The following FARS2 variants were observed in gnomAD, a reference collection of about 807,000 sequenced individuals.
The protein encoded by FARS2 is phenylalanine--tRNA ligase, mitochondrial.
In FARS2, 40 loss-of-function variants were observed where a neutral mutation model predicts 46.4. The ratio of observed to expected loss-of-function variants is 0.86; its 90% CI spans 0.67 to 1.12. FARS2 has a LOEUF of 1.12. Ranked by LOEUF, FARS2 falls within the 50% of genes most tolerant of loss-of-function variation. The pLI is 0.00. For missense variants in FARS2, 513 were observed against 567.9 expected (o/e 0.90, Z 0.98); for synonymous variants, 234 against 214.9 (o/e 1.09, Z -0.78).
At chr6:5,290,641 C>T (rs1162253936) in intron 1 of FARS2, among the ~76,000 whole-genome samples, 1 of 152,204 alleles carries the variant, frequency 6.6e-6, no homozygotes, top group African/African-American at 2.4e-5. Flanking sequence ...TTGATGAGCT[C>T]AACCTTAGTT....
At chr6:5,316,683 C>T (rs1440660680) in intron 1 of FARS2, among the ~76,000 whole-genome samples, 2 of 152,204 alleles carry the variant, frequency 1.3e-5, no homozygotes, top group Non-Finnish European at 2.9e-5. Flanking sequence ...CTGTGGGGCC[C>T]AGAGCCGCCA....
intron 6 of FARS2, among the ~76,000 whole-genome samples, chr6:5,662,056 A>G (rs1344929656): frequency 6.6e-6 from 1 of 152,008 alleles, no homozygotes; most frequent in Non-Finnish European, 1.5e-5. Context: ...AAGGAAAAAT[A>G]TTTTCTCTTG....
At chr6:5,278,959 C>T (rs1198607977) in intron 1 of FARS2, among the ~76,000 whole-genome samples, 4 of 152,234 alleles carry the variant, frequency 2.6e-5, no homozygotes, top group African/African-American at 9.6e-5. Context: ...TTGCTTGTGG[C>T]CCTACTGTCC....
intron 4 of FARS2, among the ~76,000 whole-genome samples, chr6:5,485,616 G>C (rs1055220272): frequency 6.6e-6 from 1 of 152,178 alleles, no homozygotes; most frequent in Non-Finnish European, 1.5e-5. Flanking sequence ...TTTAGGCTTC[G>C]TAGGCTTTAT....
chr6:5,338,057 T>G (rs1223779356), intron 1 of FARS2, among the ~76,000 whole-genome samples: 3 of 152,174 alleles, frequency 2.0e-5, no homozygotes, highest in African/African-American at 4.8e-5. Flanking sequence ...TTGTCCTTTT[T>G]CTGTTTCTGG....
intron 4 of FARS2, among the ~76,000 whole-genome samples, chr6:5,466,262 C>G (rs1765508643): frequency 6.6e-6 from 1 of 152,194 alleles, no homozygotes; most frequent in South Asian, 2.1e-4. Context: ...CAGATCCTGC[C>G]TCTGCCCCTC....
At chr6:5,320,654 C>G (rs949320267) in intron 1 of FARS2, among the ~76,000 whole-genome samples, 3 of 152,170 alleles carry the variant, frequency 2.0e-5, no homozygotes, top group African/African-American at 7.2e-5. Context: ...TTTGGTACCT[C>G]AAGCCTTGAG....
chr6:5,604,444 G>A (rs1027278399), intron 5 of FARS2, among the ~76,000 whole-genome samples: 2 of 152,146 alleles, frequency 1.3e-5, no homozygotes, highest in Non-Finnish European at 2.9e-5. Flanking sequence ...GGTGCTCGCA[G>A]GTTCAACACC....
chr6:5,287,208 C>T (rs1465013016), intron 1 of FARS2, among the ~76,000 whole-genome samples: 1 of 152,186 alleles, frequency 6.6e-6, no homozygotes, highest in Non-Finnish European at 1.5e-5. Context: ...ATGTTGAGCC[C>T]GAGGCATTCC....
intron 1 of FARS2, among the ~76,000 whole-genome samples, chr6:5,341,820 A>AT (rs1212322797): frequency 6.6e-6 from 1 of 152,080 alleles, no homozygotes; most frequent in African/African-American, 2.4e-5. Flanking sequence ...CATCTGGCTA[A>AT]TTTTTATCAT....
intron 4 of FARS2, among the ~76,000 whole-genome samples, chr6:5,532,277 C>A (rs1769891844): frequency 6.6e-6 from 1 of 152,212 alleles, no homozygotes; most frequent in South Asian, 2.1e-4. Flanking sequence ...GGAACATCTA[C>A]TGGGTGTAAA....
In FARS2 at chr6:5,577,621, T is replaced by C. The variant is rs528201675; in HGVS notation, c.1065+32281T>C. Among the ~76,000 whole-genome samples the C allele has an allele frequency of 1.1e-3, 161 of 152,300 alleles. 1 individual carries two copies. The highest frequency in any genetic ancestry group is 3.7e-3 in the African/African-American group (153 of 41,574). ...TCTCTTCACAGTCCTTTCTGGAGGA[T>C]TTAATTACATTCATTTTCTTCTTTA... On this transcript the variant is annotated intron_variant, in intron 5 of 6. Coordinates refer to ENST00000274680, the MANE Select transcript of FARS2 (RefSeq NM_006567.5).
Position 5,723,988 on chromosome 6 carries a change from C to T in FARS2, c.1218-47303C>T, listed in dbSNP as rs190781990. On this transcript the variant is annotated intron_variant, in intron 6 of 6. Transcript: ENST00000274680. ...AGCGGTGGCCACGCTGGGCTGTCCA[C>T]CGCACAGGGGCTGTCAGAGAAAGAG... Among the ~76,000 whole-genome samples the T allele has an allele frequency of 2.0e-5, 3 of 152,262 alleles. No individual in the cohort carries two copies. In the East Asian group the frequency reaches 5.8e-4, roughly 29 times the overall value.
chr6:5,406,768 T>G (rs1761623486), intron 3 of FARS2, among the ~76,000 whole-genome samples: 1 of 151,486 alleles, frequency 6.6e-6, no homozygotes, highest in South Asian at 2.1e-4. Flanking sequence ...TTTTCACTCC[T>G]CATAAACATA....
chr6:5,270,577 A>G (rs1302565928), intron 1 of FARS2, among the ~76,000 whole-genome samples: 1 of 152,222 alleles, frequency 6.6e-6, no homozygotes, highest in Admixed American at 6.5e-5. Flanking sequence ...AAGCTATTTG[A>G]AAATGAAATG....
intron 1 of FARS2, among the ~76,000 whole-genome samples, chr6:5,335,753 A>G (rs1210332863): frequency 6.6e-6 from 1 of 152,198 alleles, no homozygotes; most frequent in African/African-American, 2.4e-5. Flanking sequence ...TTGTGTGACC[A>G]GTAATCAAAA....
chr6:5,348,289 T>C (rs927763259), intron 1 of FARS2, among the ~76,000 whole-genome samples: 1 of 151,942 alleles, frequency 6.6e-6, no homozygotes, highest in African/African-American at 2.4e-5. Context: ...AAGCTGCACA[T>C]TTGGTCACTA....
intron 4 of FARS2, among the ~76,000 whole-genome samples, chr6:5,449,223 C>T (rs759058297): frequency 7.9e-5 from 12 of 151,758 alleles, no homozygotes; most frequent in Non-Finnish European, 1.3e-4. Flanking sequence ...TTGGTGGGCA[C>T]CTGTAATACC....
At chr6:5,421,520 C>T (rs1762549167) in intron 3 of FARS2, among the ~76,000 whole-genome samples, 1 of 152,204 alleles carries the variant, frequency 6.6e-6, no homozygotes, top group South Asian at 2.1e-4. Flanking sequence ...ATCGCATTGT[C>T]AGCCTACAGA....
Sources: allele counts gnomAD v4.1 joint callset (sites outside exome capture counted in the v4.1 genomes callset), GRCh38; gene constraint gnomAD v4.1.1; transcripts MANE v1.5; gene names NCBI Gene and HGNC (gene_info 2026-07-23, HGNC 2026-07-21).